Variants in IL4R observed in about 807,000 individuals in gnomAD.
IL4R encodes interleukin-4 receptor subunit alpha.
IL4R carries 17 observed loss-of-function variants against 41.5 expected under a neutral mutation model. The observed-to-expected ratio is 0.41, with a 90% CI of 0.28 to 0.61. The LOEUF (loss-of-function observed/expected upper bound fraction) is 0.61, where lower values mean the gene tolerates loss of function less well. Ranked by LOEUF, IL4R falls within the 20% of genes least tolerant of loss-of-function variation. IL4R has a pLI of 0.31. For synonymous variants in IL4R, 402 were observed against 422.9 expected (o/e 0.95, Z 0.61); for missense variants, 974 against 1,043.1 (o/e 0.93, Z 0.91).
Position 27,363,134 on chromosome 16 carries a change from C to G in IL4R, c.1782C>G (p.Gly594=). The change falls in exon 11 of 11, where the codon GGC becomes GGG. Residue 594 remains glycine (G), a synonymous_variant. Transcript: ENST00000395762. ...QGGTQASAVV[G]LGPPGEAGYK... is the part of the protein sequence containing the mutation. ...GCACCCAGGCCAGTGCGGTGGTGGG[C>G]TTGGGTCCCCCAGGAGAGGCTGGTT... The G allele has an allele frequency of 6.2e-7, 1 of 1,613,744 alleles. No individual in the cohort carries two copies. Among genetic ancestry groups the G allele is most frequent in the Non-Finnish European group, 8.5e-7 (1 of 1,179,872 alleles).
intron 6 of IL4R, among the ~76,000 whole-genome samples, chr16:27,349,896 C>G (rs2085802561): frequency 6.6e-6 from 1 of 152,176 alleles, no homozygotes; most frequent in Admixed American, 6.5e-5. Context: ...ACTACAGGCA[C>G]AGGCCACCAC....
At chr16:27,342,006 C>T in intron 3 of IL4R, 115 bp from the exon 4 acceptor site, 1 of 1,164,882 alleles carries the variant, frequency 8.6e-7, no homozygotes, top group Non-Finnish European at 1.2e-6. Context: ...GGGCGCTGGC[C>T]CTCAACTTTG....
At chr16:27,355,226 G>A in intron 7 of IL4R, 1 of 293,606 alleles carries the variant, frequency 3.4e-6, no homozygotes, top group Non-Finnish European at 7.1e-6. Context: ...AGAGGAAGGG[G>A]ATGGAGCGAT....
At chr16:27,332,317 C>T (rs146411267) in intron 2 of IL4R, among the ~76,000 whole-genome samples, 56 of 152,054 alleles carry the variant, frequency 3.7e-4, no homozygotes, top group African/African-American at 1.3e-3. Flanking sequence ...TTTCACATGA[C>T]GTCAGGAAGG....
At chr16:27,346,837 C>A (rs1005776517) in intron 6 of IL4R, among the ~76,000 whole-genome samples, 13 of 152,232 alleles carry the variant, frequency 8.5e-5, no homozygotes, top group Admixed American at 2.6e-4. Flanking sequence ...GGGGAGTTAT[C>A]TCTGCATGCC....
At chr16:27,336,869 G>A (rs925412129) in intron 2 of IL4R, among the ~76,000 whole-genome samples, 12 of 151,632 alleles carry the variant, frequency 7.9e-5, no homozygotes, top group South Asian at 4.2e-4. Flanking sequence ...ACCTGGGGTC[G>A]GGAGTTCAAG....
chr16:27,352,744 T>TC, intron 7 of IL4R, 48 bp downstream of exon 7: 2 of 1,583,586 alleles, frequency 1.3e-6, no homozygotes, highest in African/African-American at 1.3e-5. Flanking sequence ...TCTCCATTCT[T>TC]CCCCTGTGGC....
In IL4R at chr16:27,362,893, G is replaced by A; in HGVS notation, c.1541G>A (p.Gly514Asp). Residue 514 changes from glycine to aspartate, a missense_variant, in exon 11 of 11, where the codon GGT (glycine) becomes GAT (aspartate). Physicochemically the swap from Gly to Asp is moderately conservative, Grantham distance 94. Coordinates refer to ENST00000395762, the MANE Select transcript of IL4R (RefSeq NM_000418.4). ...CAGTCACCGTGTCCCAGAGAGCTGG[G>A]TCCAGACCCACTGCTGGCCAGACAC... is the stretch of plus-strand genomic sequence containing the variant. ...LSQSPCPREL[G>D]PDPLLARHLE... 3 of 1,614,148 alleles carry A rather than the reference G, an allele frequency of 1.9e-6. No individual in the cohort carries two copies. Among genetic ancestry groups the A allele is most frequent in the Non-Finnish European group, 2.5e-6 (3 of 1,180,030 alleles).
At chr16:27,315,841 A>G (rs1026892216) in intron 1 of IL4R, among the ~76,000 whole-genome samples, 3 of 152,144 alleles carry the variant, frequency 2.0e-5, no homozygotes, top group Non-Finnish European at 4.4e-5. Context: ...CTGAATCTGG[A>G]GGGAGACGCT....
At chr16:27,336,712 G>T (rs938390483) in intron 2 of IL4R, among the ~76,000 whole-genome samples, 4 of 150,824 alleles carry the variant, frequency 2.7e-5, no homozygotes, top group African/African-American at 9.8e-5. Flanking sequence ...GGGAGGAAGG[G>T]AAGGTCCCTC....
At chr16:27,352,879 A>C (rs3024611) in intron 7 of IL4R, among the ~76,000 whole-genome samples, 183 bp downstream of exon 7, 116,592 of 152,172 alleles carry the variant, frequency 0.77, 46,585 homozygotes, top group East Asian at 0.91. Flanking sequence ...TGCAGTAACA[A>C]ACAAGCCCAC....
At chr16:27,361,329 T>C (rs3024671) in intron 10 of IL4R, among the ~76,000 whole-genome samples, 3 of 151,990 alleles carry the variant, frequency 2.0e-5, no homozygotes, top group Admixed American at 1.3e-4. Flanking sequence ...TGCCTGTAAT[T>C]CCAGCTACTC....
Position 27,362,639 on chromosome 16 carries a change from G to C in IL4R, c.1287G>C (p.Glu429Asp). ...GCTTTTGCCAGCAGGACATGGGGGAGTCATGCCTTCTTCCACCTTCGGGAA... is the reference window on the plus strand; with the variant it reads ...GCTTTTGCCAGCAGGACATGGGGGACTCATGCCTTCTTCCACCTTCGGGAA... The part of the protein sequence containing the change: ...NGGFCQQDMG[E>D]SCLLPPSGST... The change falls in exon 11 of 11, where the codon GAG becomes GAC. Residue 429 changes from glutamate (E) to aspartate (D), a missense_variant. This residue lies in a region of IL4R where 682 missense variants were observed against 704.3 expected (regional missense o/e 0.97). Transcript: ENST00000395762. 1 of 1,614,160 alleles carries C rather than the reference G, an allele frequency of 6.2e-7. No individual in the cohort carries two copies. Among genetic ancestry groups the C allele is most frequent in the Non-Finnish European group, 8.5e-7 (1 of 1,180,020 alleles).
At position 27,352,636 on chromosome 16, in the gene IL4R, T is replaced by A; in HGVS notation, c.610T>A (p.Trp204Arg). Reference sequence around the variant, plus strand: ...TTCCTACAGGGCACGGGTGAGGGCCTGGGCTCAGTGCTATAACACCACCTG... The same window carrying A: ...TTCCTACAGGGCACGGGTGAGGGCCAGGGCTCAGTGCTATAACACCACCTG... ...GISYRARVRA[W>R]AQCYNTTWSE... The change falls in exon 7 of 11, where the codon TGG (tryptophan) becomes AGG (arginine). Residue 204 changes from tryptophan to arginine, a missense_variant. By Grantham distance (101) the Trp-to-Arg change is moderately radical (BLOSUM62 -3). Transcript: ENST00000395762. 6.2e-7 allele frequency: 1 copy of A among 1,614,188 alleles called. No individual in the cohort carries two copies. The highest frequency in any genetic ancestry group is 1.3e-5 in the African/African-American group (1 of 75,052).
At chr16:27,354,006 A>G (rs983550373) in intron 7 of IL4R, 2 of 152,210 alleles carry the variant, frequency 1.3e-5, no homozygotes, top group Non-Finnish European at 2.9e-5. Flanking sequence ...TGGAGATCAC[A>G]TCTGCTTCTT....
chr16:27,318,084 C>T (rs2084698389), intron 1 of IL4R, among the ~76,000 whole-genome samples: 1 of 152,136 alleles, frequency 6.6e-6, no homozygotes, highest in African/African-American at 2.4e-5. Flanking sequence ...TTCTGAAATC[C>T]ACGATTTCTG....
intron 1 of IL4R, among the ~76,000 whole-genome samples, chr16:27,317,210 A>C (rs1447993713): frequency 2.0e-5 from 3 of 152,188 alleles, no homozygotes; most frequent in Non-Finnish European, 4.4e-5. Context: ...GGCCTAAATG[A>C]ATAAATCTTT....
At chr16:27,358,181 A>T (rs3024655) in intron 8 of IL4R, among the ~76,000 whole-genome samples, 2 of 152,166 alleles carry the variant, frequency 1.3e-5, no homozygotes, top group Admixed American at 1.3e-4. Flanking sequence ...GGCGTGAGCC[A>T]CCATGCCTGG....
chr16:27,340,100 C>T (rs2085392563), intron 2 of IL4R, 86 bp from the exon 3 acceptor site: 2 of 801,590 alleles, frequency 2.5e-6, no homozygotes, highest in East Asian at 2.7e-5. Context: ...AATAAATGGC[C>T]AGGGCAGGGG....
Sources: gnomAD v4.1 joint callset for allele counts (sites outside exome capture counted in the v4.1 genomes callset) on GRCh38, gnomAD v4.1.1 for gene constraint, gnomAD v4.1.1 regional missense constraint, MANE v1.5 for transcripts, NCBI Gene and HGNC (gene_info 2026-07-23, HGNC 2026-07-21) for gene names.